TPCN1: variants seen among roughly 807,000 people sequenced by gnomAD.
TPCN1 encodes the protein two pore segment channel 1.
In TPCN1, 52 loss-of-function variants were observed where a neutral mutation model predicts 108.8. That is an observed-to-expected ratio of 0.48 (90% CI 0.38 to 0.60). The LOEUF is 0.60. Ranked by LOEUF, TPCN1 falls within the 20% of genes least tolerant of loss-of-function variation. The pLI is 0.00. For missense variants in TPCN1, 806 were observed against 1,072.8 expected, an observed-to-expected ratio of 0.75 and a Z score of 3.47; for synonymous variants, 446 against 433.7, an observed-to-expected ratio of 1.03 and a Z score of -0.35.
chr12:113,259,874 G>A (rs1404782782), intron 2 of TPCN1, among the ~76,000 whole-genome samples: 1 of 152,234 alleles, frequency 6.6e-6, no homozygotes, highest in Non-Finnish European at 1.5e-5. Context: ...GGGCGTGGCT[G>A]TCAGCAGGGA....
intron 2 of TPCN1, among the ~76,000 whole-genome samples, chr12:113,248,148 G>A (rs901192369): frequency 2.0e-5 from 3 of 152,222 alleles, no homozygotes; most frequent in African/African-American, 4.8e-5. Context: ...ACTGCACCCC[G>A]GGTGGAGCCC....
chr12:113,225,904 G>T (rs1259184360), intron 1 of TPCN1, among the ~76,000 whole-genome samples: 1 of 152,136 alleles, frequency 6.6e-6, no homozygotes, highest in Non-Finnish European at 1.5e-5. Flanking sequence ...GCCCAAGCCA[G>T]AGTGCAGTGG....
Position 113,253,353 on chromosome 12 carries a change from G to C in TPCN1, c.113-7015G>C, listed in dbSNP as rs192512297. On this transcript the variant is annotated intron_variant, in intron 2 of 27. Transcript: ENST00000335509. ...GTATTTAGATAGGTGTCAGTTATCT[G>C]TTGCCCTTGTATCAAATCACTGCCC... 7.9e-5 allele frequency among the ~76,000 whole-genome samples: 12 copies of C among 152,356 alleles called. No individual in the cohort carries two copies. The East Asian group carries it at 2.1e-3, about 27-fold the overall frequency.
intron 14 of TPCN1, among the ~76,000 whole-genome samples, chr12:113,279,667 G>C (rs1487311250): frequency 6.6e-6 from 1 of 151,748 alleles, no homozygotes; most frequent in African/African-American, 2.4e-5. Context: ...GCCTCCCAAA[G>C]GCCTGGGATT....
At position 113,293,025 on chromosome 12, in the gene TPCN1, G is replaced by A. The variant is rs201421968; in HGVS notation, c.2205G>A (p.Ser735=). The change falls in exon 26 of 28, where the codon TCG becomes TCA. Residue 735 remains serine (S), a synonymous_variant. Coordinates refer to ENST00000335509, the MANE Select transcript of TPCN1 (RefSeq NM_017901.6). Reference sequence around the variant, plus strand: ...ACCGGGAGGCACGGGGGGCCTCCTCGGATGTCACCAGGCTGCTGGAGACCC... The same window carrying A: ...ACCGGGAGGCACGGGGGGCCTCCTCAGATGTCACCAGGCTGCTGGAGACCC... The part of the protein sequence containing the change: ...ELYREARGAS[S]DVTRLLETLS... 1.5e-5 allele frequency: 24 copies of A among 1,613,246 alleles called. No individual in the cohort carries two copies. Among genetic ancestry groups the A allele is most frequent in the East Asian group, 1.1e-4 (5 of 44,876 alleles).
At chr12:113,267,642 T>C (rs1955318200) in intron 4 of TPCN1, among the ~76,000 whole-genome samples, 1 of 152,196 alleles carries the variant, frequency 6.6e-6, no homozygotes, top group African/African-American at 2.4e-5. Flanking sequence ...GTTTCATGGA[T>C]ATCAAGTTTA....
chr12:113,252,794 C>T (rs16942672), intron 2 of TPCN1, among the ~76,000 whole-genome samples: 12 of 152,034 alleles, frequency 7.9e-5, no homozygotes, highest in African/African-American at 2.2e-4. Context: ...AGATTGAGGA[C>T]GGTGGTTTGA....
At chr12:113,279,359 G>GCA (rs1955792140) in intron 14 of TPCN1, among the ~76,000 whole-genome samples, 1 of 41,000 alleles carries the variant, frequency 2.4e-5, no homozygotes, top group Non-Finnish European at 3.8e-5. Flanking sequence ...GTGTGTGTGT[G>GCA]TATATATATA....
At position 113,266,960 on chromosome 12, in the gene TPCN1, C is replaced by T. The variant is rs1163756767; in HGVS notation, c.414+604C>T. Among the ~76,000 whole-genome samples the T allele has an allele frequency of 1.3e-5, 2 of 152,220 alleles. No homozygotes were observed. The highest frequency in any genetic ancestry group is 2.9e-5 in the Non-Finnish European group (2 of 68,036). On this transcript the variant is annotated intron_variant, in intron 4 of 27. Coordinates refer to ENST00000335509, the MANE Select transcript of TPCN1 (RefSeq NM_017901.6). The surrounding 1 kb of genome is among the most constrained non-coding windows in gnomAD (Gnocchi z 4.2). ...GTTTCCCTTCCTGTTTCTCCTTCTT[C>T]ATGCCTGGAACTCACAGCTCCAGCC... is the stretch of plus-strand genomic sequence containing the variant.
In TPCN1 at chr12:113,288,249, CA is replaced by C; in HGVS notation, c.1706+16del. On this transcript the variant is annotated intron_variant, in intron 20 of 27. Transcript: ENST00000335509. This position sits in a 1 kb window ranked among gnomAD's most constrained non-coding sequence, Gnocchi z 4.8. The stretch of plus-strand genomic sequence containing the variant: ...CGGATGGCCAGGTACTGCCAGCCCC[CA>C]CCCTGGCCTGCAGGTCCAGGTGCCG... 1.2e-6 allele frequency: 2 copies of C among 1,613,530 alleles called. No homozygotes were observed. Among genetic ancestry groups the C allele is most frequent in the African/African-American group, 1.3e-5 (1 of 75,050 alleles).
At chr12:113,237,053 CT>C (rs761203455) in intron 2 of TPCN1, among the ~76,000 whole-genome samples, 6 of 152,146 alleles carry the variant, frequency 3.9e-5, no homozygotes, top group Non-Finnish European at 5.9e-5. Flanking sequence ...ATGGGAGCTG[CT>C]AAATGTGTTT....
intron 2 of TPCN1, among the ~76,000 whole-genome samples, chr12:113,256,135 TA>T (rs981674531): frequency 3.3e-5 from 5 of 152,076 alleles, no homozygotes; most frequent in Admixed American, 6.5e-5. Context: ...TTTTTTTACT[TA>T]AAAAAAATTT....
In TPCN1 at chr12:113,273,870, G is replaced by T. The variant is rs190112010; in HGVS notation, c.942+202G>T. On this transcript the variant is annotated intron_variant, in intron 10 of 27. Transcript: ENST00000335509. This position sits in a 1 kb window ranked among gnomAD's most constrained non-coding sequence, Gnocchi z 4.0. Reference sequence around the variant, plus strand: ...TCAGGAGTTCAGCCAGTTGCTGGGGGTGGCGTCCTCACCAAGGCAATGCTG... The same window carrying T: ...TCAGGAGTTCAGCCAGTTGCTGGGGTTGGCGTCCTCACCAAGGCAATGCTG... Among the ~76,000 whole-genome samples, 1 of 152,294 alleles carries T rather than the reference G, an allele frequency of 6.6e-6. No homozygotes were observed. The highest frequency in any genetic ancestry group is 1.9e-4 in the East Asian group (1 of 5,186).
Position 113,289,976 on chromosome 12 carries a change from CATG to C in TPCN1, c.1797-150_1797-148del. Reference sequence around the variant, plus strand: ...GGCATTCCTTCAGCAGGGACCCAGGCATGAGGTGGAGAGGGTTAGGCAGGAAAC... The same window carrying C: ...GGCATTCCTTCAGCAGGGACCCAGGCAGGTGGAGAGGGTTAGGCAGGAAAC... On this transcript the variant is annotated intron_variant, in intron 21 of 27. Coordinates refer to ENST00000335509, the MANE Select transcript of TPCN1 (RefSeq NM_017901.6). The surrounding 1 kb of genome is among the most constrained non-coding windows in gnomAD (Gnocchi z 4.1). 1 of 580,378 alleles carries C rather than the reference CATG, an allele frequency of 1.7e-6. No homozygotes were observed. The highest frequency in any genetic ancestry group is 3.1e-6 in the Non-Finnish European group (1 of 326,488). The allele number at this position is 580,378 out of a possible 1,614,324, so 36.0% of individuals were successfully genotyped here.
chr12:113,288,716 C>T lies in TPCN1; in HGVS notation c.1707-42C>T, dbSNP rs1311925871. On this transcript the variant is annotated intron_variant, in intron 20 of 27. Coordinates refer to ENST00000335509, the MANE Select transcript of TPCN1 (RefSeq NM_017901.6). The surrounding 1 kb of genome is among the most constrained non-coding windows in gnomAD (Gnocchi z 4.8). The stretch of plus-strand genomic sequence containing the variant: ...GCCGGGGCTGCAGAGGAGCCGTTCC[C>T]TCCTGCCGGCCCCGCGTCACCCTGC... 2 of 1,606,412 alleles carry T rather than the reference C, an allele frequency of 1.2e-6. No homozygotes were observed. Among genetic ancestry groups the T allele is most frequent in the African/African-American group, 1.3e-5 (1 of 75,034 alleles).
chr12:113,260,417 T>TG lies in TPCN1; in HGVS notation c.167dup (p.Glu57Ter). Reference sequence around the variant, plus strand: ...ACTCCCAGGCCCCCAGTCTCAGCTCTGGGGGTGAGAGTTCCCCCTCCAGCC... The same window carrying TG: ...ACTCCCAGGCCCCCAGTCTCAGCTCTGGGGGGTGAGAGTTCCCCCTCCAGCC... On this transcript the variant is annotated frameshift_variant, in exon 3 of 28. Transcript: ENST00000335509. LOFTEE classifies it high-confidence loss of function. 6.5e-7 allele frequency: 1 copy of TG among 1,547,670 alleles called. No homozygotes were observed. The highest frequency in any genetic ancestry group is 1.4e-5 in the African/African-American group (1 of 70,238).
chr12:113,226,980 G>T lies in TPCN1; in HGVS notation c.112+16G>T. The T allele has an allele frequency of 6.2e-7, 1 of 1,601,246 alleles. No individual in the cohort carries two copies. ...CCTAGCAAAAGTAAGATGGTGGGGT[G>T]GGCTGGGGGGACCCCAGCTTTTCTG... On this transcript the variant is annotated intron_variant, in intron 2 of 27. Transcript: ENST00000335509.
intron 15 of TPCN1, among the ~76,000 whole-genome samples, chr12:113,282,851 C>T (rs373537794): frequency 1.3e-5 from 2 of 152,072 alleles, no homozygotes; most frequent in East Asian, 1.9e-4. Context: ...TTTGGGAGGC[C>T]GAGGCGGGCA....
chr12:113,273,469 G>T lies in TPCN1; in HGVS notation c.843-100G>T. 1 of 1,283,984 alleles carries T rather than the reference G, an allele frequency of 7.8e-7. No homozygotes were observed. 79.5% of individuals were successfully genotyped at this position (1,283,984 alleles called of 1,614,324 possible). ...GAGAGTAGGGGAACCAGGGTTGGAGGCTGGGAAGGCAGACAAGGAGCTGTC... is the reference window on the plus strand; with the variant it reads ...GAGAGTAGGGGAACCAGGGTTGGAGTCTGGGAAGGCAGACAAGGAGCTGTC... On this transcript the variant is annotated intron_variant, in intron 9 of 27. Coordinates refer to ENST00000335509, the MANE Select transcript of TPCN1 (RefSeq NM_017901.6). The surrounding 1 kb of genome is among the most constrained non-coding windows in gnomAD (Gnocchi z 4.0).
Sources: allele counts gnomAD v4.1 joint callset (sites outside exome capture counted in the v4.1 genomes callset), GRCh38; gene constraint gnomAD v4.1.1; non-coding constraint Gnocchi (gnomAD v3.1); transcripts MANE v1.5; gene names NCBI Gene and HGNC (gene_info 2026-07-23, HGNC 2026-07-21).